Variants in MAD1L1 observed in about 807,000 individuals in gnomAD.
MAD1L1 encodes the protein mitotic arrest deficient 1 like 1, also known as mitotic spindle assembly checkpoint protein MAD1.
A neutral mutation model predicts 96.9 loss-of-function variants in MAD1L1; 95 were observed. That is an observed-to-expected ratio of 0.98 (90% CI 0.83 to 1.16). The LOEUF is 1.16. Among genes scored for constraint, MAD1L1 ranks in the 50% most tolerant of loss-of-function variants. MAD1L1 has a pLI of 0.00. For missense variants in MAD1L1, 1,007 were observed against 954.4 expected, an observed-to-expected ratio of 1.06 and a Z score of -0.73; for synonymous variants, 473 against 396.6, an observed-to-expected ratio of 1.19 and a Z score of -2.29.
intron 12 of MAD1L1, among the ~76,000 whole-genome samples, chr7:2,017,079 A>G (rs1782576945): frequency 1.3e-5 from 2 of 152,258 alleles, no homozygotes; most frequent in African/African-American, 2.4e-5. Flanking sequence ...TGGCTGGCAC[A>G]GAAGAAAAGC....
intron 12 of MAD1L1, among the ~76,000 whole-genome samples, chr7:2,061,620 G>A (rs967117316): frequency 6.6e-6 from 1 of 152,202 alleles, no homozygotes; most frequent in Non-Finnish European, 1.5e-5. Flanking sequence ...TCTGGCGGGG[G>A]TGGCAGCCCC....
intron 18 of MAD1L1, among the ~76,000 whole-genome samples, chr7:1,891,167 T>C (rs1583675238): frequency 6.6e-6 from 1 of 152,222 alleles, no homozygotes; most frequent in Admixed American, 6.5e-5. Flanking sequence ...GGAAGGCTGC[T>C]ATACAAAAAC....
At chr7:1,888,324 G>A (rs1414636005) in intron 18 of MAD1L1, among the ~76,000 whole-genome samples, 6 of 134,716 alleles carry the variant, frequency 4.5e-5, no homozygotes, top group Non-Finnish European at 4.9e-5. Flanking sequence ...ATGTGTGTGT[G>A]TGCATGCGTG....
At chr7:2,017,709 G>C (rs926205875) in intron 12 of MAD1L1, among the ~76,000 whole-genome samples, 2 of 152,216 alleles carry the variant, frequency 1.3e-5, no homozygotes, top group African/African-American at 4.8e-5. Context: ...TCCCTCATCA[G>C]CAGGTGCTCC....
intron 17 of MAD1L1, among the ~76,000 whole-genome samples, chr7:1,908,481 A>C (rs1167811672): frequency 6.6e-6 from 1 of 152,168 alleles, no homozygotes; most frequent in Non-Finnish European, 1.5e-5. Flanking sequence ...TCCGGGGCTC[A>C]AGCAATCCTC....
intron 18 of MAD1L1, among the ~76,000 whole-genome samples, chr7:1,827,086 C>A (rs1377534832): frequency 5.3e-5 from 8 of 152,230 alleles, no homozygotes; most frequent in African/African-American, 1.7e-4. Context: ...GGCGCCGGCT[C>A]GGGGTGGGGC....
chr7:1,874,340 C>G (rs186580117), intron 18 of MAD1L1, among the ~76,000 whole-genome samples: 1 of 152,172 alleles, frequency 6.6e-6, no homozygotes, highest in East Asian at 1.9e-4. Context: ...GTGACCGTGG[C>G]TTGGGATGGT....
chr7:2,191,924 G>A (rs971427747), intron 10 of MAD1L1, among the ~76,000 whole-genome samples: 4 of 151,638 alleles, frequency 2.6e-5, no homozygotes, highest in African/African-American at 9.7e-5. Context: ...TCAGCTACTC[G>A]GGAGGCTGAG....
chr7:2,012,016 T>C (rs1056390731), intron 13 of MAD1L1, among the ~76,000 whole-genome samples: 8 of 152,142 alleles, frequency 5.3e-5, no homozygotes, highest in African/African-American at 1.7e-4. Flanking sequence ...CCAACTCTTC[T>C]ATGTGCCTAA....
intron 10 of MAD1L1, among the ~76,000 whole-genome samples, chr7:2,172,886 C>T (rs765546270): frequency 1.3e-5 from 2 of 152,196 alleles, no homozygotes; most frequent in Admixed American, 6.5e-5. Flanking sequence ...CTCCTGGGAG[C>T]GTGCACACCG....
intron 18 of MAD1L1, chr7:1,844,369 C>G (rs1401588168): frequency 6.6e-6 from 1 of 152,472 alleles, no homozygotes; most frequent in African/African-American, 2.4e-5. Flanking sequence ...CCCAGGGGCA[C>G]AAGGGGCCAC....
rs887912243 is a variant in MAD1L1 at position 2,014,592 on chromosome 7, G to A, written c.1269C>T (p.Thr423=). ...AILGSYDSEL[T]PAEYSPQLTR... is the part of the protein sequence containing the mutation. ...TCAGCTGGGGTGAGTACTCGGCCGG[G>A]GTCAGCTCGCTGTCGTAGGACCCCA... is the stretch of plus-strand genomic sequence containing the variant. The change falls in exon 13 of 19, where the codon ACC becomes ACT. Residue 423 remains threonine, a synonymous_variant. Coordinates refer to ENST00000265854, the MANE Select transcript of MAD1L1 (RefSeq NM_001013836.2). 5 of 1,612,292 alleles carry A rather than the reference G, an allele frequency of 3.1e-6. No individual in the cohort carries two copies. In the African/African-American group the frequency reaches 5.3e-5, roughly 17 times the overall value.
chr7:2,218,065 A>C, intron 6 of MAD1L1, 22 bp from the exon 7 acceptor site: 1 of 1,579,988 alleles, frequency 6.3e-7, no homozygotes, highest in Admixed American at 1.7e-5. Flanking sequence ...AAAATACATC[A>C]CACACAGAAA....
At chr7:2,089,708 A>G (rs964407454) in intron 11 of MAD1L1, among the ~76,000 whole-genome samples, 4 of 148,426 alleles carry the variant, frequency 2.7e-5, no homozygotes, top group African/African-American at 1.0e-4. Flanking sequence ...GTTTAATCAC[A>G]CTTCCAACAC....
intron 14 of MAD1L1, among the ~76,000 whole-genome samples, chr7:1,987,885 G>C (rs1374633614): frequency 6.6e-6 from 1 of 152,178 alleles, no homozygotes; most frequent in Non-Finnish European, 1.5e-5. Flanking sequence ...CCTGTCCCTG[G>C]GTGGGAAACC....
chr7:1,905,166 C>G (rs1787544954), intron 17 of MAD1L1, among the ~76,000 whole-genome samples: 1 of 92,666 alleles, frequency 1.1e-5, no homozygotes, highest in Non-Finnish European at 2.3e-5. Context: ...AGCACTGTTC[C>G]AGGCAGTGAG....
intron 11 of MAD1L1, among the ~76,000 whole-genome samples, chr7:2,121,077 C>A (rs1225823381): frequency 6.6e-6 from 1 of 152,212 alleles, no homozygotes; most frequent in Non-Finnish European, 1.5e-5. Context: ...CCAGCCCCAG[C>A]CGCAAGGACA....
intron 18 of MAD1L1, among the ~76,000 whole-genome samples, chr7:1,871,755 G>A (rs1007535087): frequency 9.9e-5 from 15 of 151,624 alleles, no homozygotes; most frequent in South Asian, 2.1e-4. Context: ...CGCCTGCCAC[G>A]CTGAACCCAA....
chr7:1,903,428 G>A (rs746346001), intron 17 of MAD1L1, among the ~76,000 whole-genome samples: 9 of 148,576 alleles, frequency 6.1e-5, no homozygotes, highest in Non-Finnish European at 1.2e-4. Context: ...CATGATTGAT[G>A]AAGCACTGTT....
Sources: allele counts gnomAD v4.1 joint callset (sites outside exome capture counted in the v4.1 genomes callset), GRCh38; gene constraint gnomAD v4.1.1; transcripts MANE v1.5; gene names NCBI Gene and HGNC (gene_info 2026-07-23, HGNC 2026-07-21).